The following USP15 variants were observed in gnomAD, a reference collection of about 807,000 sequenced individuals.
USP15 encodes ubiquitin specific peptidase 15, also known as ubiquitin carboxyl-terminal hydrolase 15.
A neutral mutation model predicts 127.1 loss-of-function variants in USP15; 18 were observed. The observed-to-expected ratio is 0.14, with a 90% confidence interval of 0.10 to 0.21. The LOEUF is 0.21. Among genes scored for constraint, USP15 ranks in the 10% least tolerant of loss-of-function variants. The pLI is 1.00. For synonymous variants in USP15, 364 were observed against 393.7 expected, an observed-to-expected ratio of 0.92 and a Z score of 0.89; for missense variants, 805 against 1,159.9, an observed-to-expected ratio of 0.69 and a Z score of 4.44.
intron 1 of USP15, among the ~76,000 whole-genome samples, chr12:62,272,156 A>G (rs1476184673): frequency 6.6e-6 from 1 of 151,892 alleles, no homozygotes; most frequent in African/African-American, 2.4e-5. Context: ...CACTACTCAA[A>G]TATAATTTAA....
chr12:62,379,039 A>G (rs1030405506), intron 8 of USP15, among the ~76,000 whole-genome samples: 4 of 152,082 alleles, frequency 2.6e-5, no homozygotes, highest in African/African-American at 9.7e-5. Flanking sequence ...GGCAAAACAA[A>G]CTAAAAATTA....
intron 7 of USP15, 196 bp from the exon 8 acceptor site, chr12:62,355,135 A>G (rs565912903): frequency 5.3e-5 from 23 of 432,818 alleles, no homozygotes; most frequent in Middle Eastern, 6.5e-4. Context: ...TATTTTGTTG[A>G]TTGGATAAGG....
At chr12:62,314,769 T>G (rs2064783510) in intron 3 of USP15, 21 bp from the exon 4 acceptor site, 1 of 1,526,602 alleles carries the variant, frequency 6.6e-7, no homozygotes, top group Non-Finnish European at 8.8e-7. Flanking sequence ...GACACTGATT[T>G]GTTTTGTTTC....
In USP15 at chr12:62,404,536, G is replaced by T; in HGVS notation, c.*161G>T. On this transcript the variant is annotated 3_prime_UTR_variant, in exon 22 of 22. Coordinates refer to ENST00000280377, the MANE Select transcript of USP15 (RefSeq NM_001252078.2). ...TTTTAACTTGTGCAGTACTTGAAGT[G>T]AAACACAATGAAAACTTTAACAGAA... 1.0e-6 allele frequency: 1 copy of T among 983,264 alleles called. No homozygotes were observed. Among genetic ancestry groups the T allele is most frequent in the Non-Finnish European group, 1.4e-6 (1 of 737,954 alleles). 60.9% of individuals were successfully genotyped at this position (983,264 alleles called of 1,614,324 possible). A position where few individuals can be genotyped will look rare whatever the true frequency, so the allele number is the denominator to read the frequency against.
intron 6 of USP15, among the ~76,000 whole-genome samples, chr12:62,339,683 A>G (rs1446093788): frequency 1.3e-5 from 2 of 152,166 alleles, no homozygotes; most frequent in African/African-American, 2.4e-5. Flanking sequence ...GTGATGGATT[A>G]CTTTTATTGA....
Position 62,349,238 on chromosome 12 carries a change from A to G in USP15, c.701A>G (p.Asn234Ser). ...PSTPKSPGAS[N>S]FSTLPKISPS... is the part of the protein sequence containing the mutation. ...TTTTAAAGGTCCCCAGGTGCATCCA[A>G]TTTTTCAACTTTACCAAAGATCTCT... The change falls in exon 7 of 22, where the codon AAT (asparagine) becomes AGT (serine). Residue 234 changes from asparagine to serine, a missense_variant. Around this residue, in one of 11 missense-constraint regions of USP15, gnomAD observed 84 missense variants for 107.7 expected, o/e 0.78. Transcript: ENST00000280377. 6 of 1,503,612 alleles carry G rather than the reference A, an allele frequency of 4.0e-6. No homozygotes were observed. The highest frequency in any genetic ancestry group is 2.5e-5 in the East Asian group (1 of 39,390). The allele number at this position is 1,503,612 out of a possible 1,614,324, so 93.1% of individuals were successfully genotyped here.
intron 9 of USP15, among the ~76,000 whole-genome samples, chr12:62,383,184 C>T (rs1158332023): frequency 2.6e-5 from 4 of 151,974 alleles, no homozygotes; most frequent in Non-Finnish European, 4.4e-5. Flanking sequence ...GAAGCTGCCA[C>T]AAACACTGAA....
intron 8 of USP15, among the ~76,000 whole-genome samples, chr12:62,357,301 C>G (rs961201721): frequency 7.2e-5 from 11 of 151,996 alleles, no homozygotes; most frequent in African/African-American, 2.4e-4. Flanking sequence ...TGCAATTTCT[C>G]AGAAATAGGT....
intron 8 of USP15, chr12:62,374,387 T>C: frequency 1.0e-6 from 1 of 985,742 alleles, no homozygotes; most frequent in Non-Finnish European, 1.2e-6. Flanking sequence ...TTTCCTGTTC[T>C]AGTTACCGGT....
Position 62,264,068 on chromosome 12 carries a change from A to G in USP15, c.89+3565A>G, listed in dbSNP as rs977457472. 5.9e-5 allele frequency among the ~76,000 whole-genome samples: 9 copies of G among 152,302 alleles called. No homozygotes were observed. The East Asian group carries it at 9.7e-4, about 16-fold the overall frequency. On this transcript the variant is annotated intron_variant, in intron 1 of 21. Transcript: ENST00000280377. ...CAGTGCGTGGTCTCGGCTCACCGCAACCACCTCCAGGGTTCAAGTGATCCT... is the reference window on the plus strand; with the variant it reads ...CAGTGCGTGGTCTCGGCTCACCGCAGCCACCTCCAGGGTTCAAGTGATCCT...
At chr12:62,323,523 A>G (rs1239878519) in intron 5 of USP15, among the ~76,000 whole-genome samples, 1 of 152,192 alleles carries the variant, frequency 6.6e-6, no homozygotes. Flanking sequence ...ACAAAATCCA[A>G]TATGTATTAC....
In USP15 at chr12:62,394,839, G is replaced by A. The variant is rs147819462; in HGVS notation, c.2571-1456G>A. On this transcript the variant is annotated intron_variant, in intron 19 of 21. Transcript: ENST00000280377. ...ACTCCAGGCTGCCTGGCGACAGAGCGAGACTCCCTCTCAAAAAAAAAAAAA... is the reference window on the plus strand; with the variant it reads ...ACTCCAGGCTGCCTGGCGACAGAGCAAGACTCCCTCTCAAAAAAAAAAAAA... Among the ~76,000 whole-genome samples the A allele has an allele frequency of 3.6e-3, 538 of 149,454 alleles. 5 individuals are homozygous for A. The highest frequency in any genetic ancestry group is 0.012 in the African/African-American group (504 of 40,538).
intron 1 of USP15, among the ~76,000 whole-genome samples, chr12:62,277,114 T>G (rs3803106): frequency 0.22 from 34,096 of 152,086 alleles, 4,165 homozygotes; most frequent in African/African-American, 0.34. Flanking sequence ...CGTTTACTCT[T>G]GCTGTTAAAA....
intron 20 of USP15, among the ~76,000 whole-genome samples, chr12:62,400,312 T>A (rs1440625000): frequency 6.6e-6 from 1 of 152,154 alleles, no homozygotes; most frequent in African/African-American, 2.4e-5. Flanking sequence ...CCACAGATGT[T>A]CAAATTCCTT....
intron 1 of USP15, among the ~76,000 whole-genome samples, chr12:62,278,169 T>C (rs924219822): frequency 6.6e-6 from 1 of 152,140 alleles, no homozygotes; most frequent in Non-Finnish European, 1.5e-5. Flanking sequence ...GTGATCAGTA[T>C]CACTGTCTTC....
chr12:62,275,005 C>T (rs1362467767), intron 1 of USP15, among the ~76,000 whole-genome samples: 2 of 151,962 alleles, frequency 1.3e-5, no homozygotes, highest in African/African-American at 2.4e-5. Flanking sequence ...GATGAAGAGG[C>T]GAGGGGCAGA....
chr12:62,386,137 A>T (rs1034409446), intron 11 of USP15, among the ~76,000 whole-genome samples: 1 of 149,984 alleles, frequency 6.7e-6, no homozygotes. Flanking sequence ...CATGGTTAGC[A>T]CAGAGAAATT....
chr12:62,283,167 C>T (rs925602482), intron 1 of USP15, among the ~76,000 whole-genome samples: 1 of 152,134 alleles, frequency 6.6e-6, no homozygotes, highest in Non-Finnish European at 1.5e-5. Context: ...GCAGATAACC[C>T]GTTACAAACT....
intron 1 of USP15, among the ~76,000 whole-genome samples, chr12:62,266,209 C>T (rs1160538933): frequency 1.3e-5 from 2 of 151,990 alleles, no homozygotes; most frequent in African/African-American, 4.8e-5. Flanking sequence ...TGATATGGCC[C>T]CTTCACATAT....
Sources: allele counts gnomAD v4.1 joint callset (sites outside exome capture counted in the v4.1 genomes callset), GRCh38; gene constraint gnomAD v4.1.1; regional missense constraint gnomAD v4.1.1; transcripts MANE v1.5; gene names NCBI Gene and HGNC (gene_info 2026-07-23, HGNC 2026-07-21).